Variants in NAALADL2 observed in about 807,000 individuals in gnomAD.
NAALADL2 encodes N-acetylated alpha-linked acidic dipeptidase like 2.
A neutral mutation model predicts 87.2 loss-of-function variants in NAALADL2; 76 were observed. That is an observed-to-expected ratio of 0.87 (90% CI 0.72 to 1.05). The LOEUF is 1.05. Among genes scored for constraint, NAALADL2 ranks in the 50% least tolerant of loss-of-function variants. The pLI, the probability that NAALADL2 is intolerant of heterozygous loss-of-function variation, is 0.00. For synonymous variants in NAALADL2, 354 were observed against 331.0 expected, an observed-to-expected ratio of 1.07 and a Z score of -0.75; for missense variants, 1,089 against 945.8, an observed-to-expected ratio of 1.15 and a Z score of -1.99.
intron 11 of NAALADL2, among the ~76,000 whole-genome samples, chr3:175,708,369 T>A (rs575173960): frequency 3.2e-4 from 48 of 152,162 alleles, no homozygotes; most frequent in African/African-American, 1.1e-3. Flanking sequence ...CAAAAGTAGA[T>A]GCTACTATGA....
chr3:174,459,783 T>A (rs1384926734), intron 1 of NAALADL2: 1 of 152,166 alleles, frequency 6.6e-6, no homozygotes, highest in Non-Finnish European at 1.5e-5. Flanking sequence ...CAGTCTTGCC[T>A]TTTGTTCATG....
chr3:175,019,688 CG>C (rs1225944968), intron 1 of NAALADL2, among the ~76,000 whole-genome samples: 38 of 152,086 alleles, frequency 2.5e-4, no homozygotes, highest in Non-Finnish European at 4.3e-4. Context: ...TCTGGAATGC[CG>C]TTAAGCAGTT....
chr3:175,334,095 C>G (rs1269522800), intron 5 of NAALADL2, among the ~76,000 whole-genome samples: 1 of 152,170 alleles, frequency 6.6e-6, no homozygotes, highest in Non-Finnish European at 1.5e-5. Flanking sequence ...ATTTTCTCCA[C>G]TCATACCTAG....
At position 175,198,092 on chromosome 3, in the gene NAALADL2, A is replaced by G. The variant is rs115237039; in HGVS notation, c.546-35839A>G. 2.9e-3 allele frequency among the ~76,000 whole-genome samples: 446 copies of G among 152,254 alleles called. 2 individuals carry two copies. The highest frequency in any genetic ancestry group is 8.9e-3 in the African/African-American group (368 of 41,576). ...AAAAGTTTTGAATCCCTGGCTTTTAATATCTAATTTATTTAATCATAGATC... is the reference window on the plus strand; with the variant it reads ...AAAAGTTTTGAATCCCTGGCTTTTAGTATCTAATTTATTTAATCATAGATC... On this transcript the variant is annotated intron_variant, in intron 2 of 13. Coordinates refer to ENST00000454872, the MANE Select transcript of NAALADL2 (RefSeq NM_207015.3).
At chr3:175,105,642 GACACACACACAC>G (rs57274941) in intron 2 of NAALADL2, among the ~76,000 whole-genome samples, 212 of 144,620 alleles carry the variant, frequency 1.5e-3, no homozygotes, top group African/African-American at 2.6e-3. Flanking sequence ...AATACACACA[GACACACACACAC>G]ACACACACAC....
intron 6 of NAALADL2, among the ~76,000 whole-genome samples, chr3:175,460,548 G>A (rs566810594): frequency 1.3e-5 from 2 of 152,056 alleles, no homozygotes; most frequent in East Asian, 1.9e-4. Flanking sequence ...TCTAGACCTC[G>A]AGATGTAGAA....
intron 9 of NAALADL2, among the ~76,000 whole-genome samples, chr3:175,556,534 AGAT>A (rs1482107345): frequency 1.3e-5 from 2 of 152,186 alleles, no homozygotes; most frequent in East Asian, 3.9e-4. Context: ...TTTTGATTTC[AGAT>A]GATGGGAGTT....
intron 9 of NAALADL2, among the ~76,000 whole-genome samples, chr3:175,560,938 A>C (rs113158644): frequency 6.6e-6 from 1 of 152,150 alleles, no homozygotes; most frequent in Admixed American, 6.5e-5. Flanking sequence ...AACATTTCTA[A>C]CATTATTTGA....
intron 2 of NAALADL2, among the ~76,000 whole-genome samples, chr3:174,598,259 T>C (rs1718107909): frequency 6.6e-6 from 1 of 152,162 alleles, no homozygotes; most frequent in Non-Finnish European, 1.5e-5. Flanking sequence ...TTATGAGCCC[T>C]TATTTTTAAA....
chr3:175,323,516 G>A (rs77474817), intron 4 of NAALADL2, among the ~76,000 whole-genome samples: 1,719 of 151,994 alleles, frequency 0.011, 41 homozygotes, highest in African/African-American at 0.039. Flanking sequence ...CCTTATGTAT[G>A]GTAGATCCTC....
intron 2 of NAALADL2, among the ~76,000 whole-genome samples, chr3:175,228,460 A>G (rs1466732619): frequency 6.6e-6 from 1 of 151,826 alleles, no homozygotes; most frequent in Non-Finnish European, 1.5e-5. Context: ...TAACATAACT[A>G]CTTTGAAGGA....
At chr3:175,232,688 C>T (rs1178365864) in intron 2 of NAALADL2, among the ~76,000 whole-genome samples, 1 of 152,140 alleles carries the variant, frequency 6.6e-6, no homozygotes, top group Non-Finnish European at 1.5e-5. Context: ...ATAGGTTGAA[C>T]AAGCTCAGTT....
At chr3:174,770,084 A>G (rs1714344869) in intron 3 of NAALADL2, among the ~76,000 whole-genome samples, 1 of 152,116 alleles carries the variant, frequency 6.6e-6, no homozygotes, top group African/African-American at 2.4e-5. Context: ...ATATCCATCA[A>G]CTCTTTCAGC....
intron 10 of NAALADL2, among the ~76,000 whole-genome samples, chr3:175,585,034 T>C (rs1345558425): frequency 1.3e-5 from 2 of 152,138 alleles, no homozygotes; most frequent in Non-Finnish European, 2.9e-5. Context: ...TTTAACTTTT[T>C]GACCCTTTTG....
chr3:174,696,407 T>TGCTA (rs1369133639), intron 2 of NAALADL2, among the ~76,000 whole-genome samples: 1 of 151,870 alleles, frequency 6.6e-6, no homozygotes, highest in Non-Finnish European at 1.5e-5. Flanking sequence ...GTTGTATGAG[T>TGCTA]GCTAGACTTA....
rs561672467 is a variant in NAALADL2, at chr3:175,297,886, T to C, written c.940-26289T>C. Among the ~76,000 whole-genome samples, 15 of 152,292 alleles carry C rather than the reference T, an allele frequency of 9.8e-5. 1 individual carries two copies. In the South Asian group the frequency reaches 3.1e-3, roughly 32 times the overall value. On this transcript the variant is annotated intron_variant, in intron 4 of 13. Transcript: ENST00000454872. The stretch of plus-strand genomic sequence containing the variant: ...TTTAAATTTCTCCTATGTAAAAATC[T>C]GGTATTGGCACATATGATGAATTCT...
At chr3:174,774,705 C>T (rs1714995560) in intron 3 of NAALADL2, among the ~76,000 whole-genome samples, 1 of 152,154 alleles carries the variant, frequency 6.6e-6, no homozygotes, top group African/African-American at 2.4e-5. Context: ...AGTCACATGA[C>T]ATGCTGTTGC....
chr3:174,594,534 G>C (rs57264012), intron 2 of NAALADL2, among the ~76,000 whole-genome samples: 2,946 of 152,156 alleles, frequency 0.019, 90 homozygotes, highest in African/African-American at 0.066. Flanking sequence ...ACAACATATA[G>C]TACTATCCAG....
chr3:174,809,375 T>C (rs1399807), intron 3 of NAALADL2, among the ~76,000 whole-genome samples: 67,430 of 151,876 alleles, frequency 0.44, 15,090 homozygotes, highest in African/African-American at 0.46. Context: ...GTATAAAGTA[T>C]TCAGATATGG....
Sources: allele counts gnomAD v4.1 joint callset (sites outside exome capture counted in the v4.1 genomes callset), GRCh38; gene constraint gnomAD v4.1.1; transcripts MANE v1.5; gene names NCBI Gene and HGNC (gene_info 2026-07-23, HGNC 2026-07-21).